FBN1: variants seen among roughly 807,000 people sequenced by gnomAD.
The protein encoded by FBN1 is fibrillin-1.
FBN1 carries 29 observed loss-of-function variants against 365.1 expected under a neutral mutation model. That is an observed-to-expected ratio of 0.08 (90% CI 0.06 to 0.11). FBN1 has a LOEUF of 0.11. Among genes scored for constraint, FBN1 ranks in the 10% least tolerant of loss-of-function variants. The probability of loss-of-function intolerance (pLI) is 1.00; values close to 1 mark genes in which losing one functional copy is unlikely to be tolerated. For missense variants in FBN1, 2,476 were observed against 3,703.2 expected, an observed-to-expected ratio of 0.67 and a Z score of 8.60; for synonymous variants, 1,210 against 1,270.5, an observed-to-expected ratio of 0.95 and a Z score of 1.01.
intron 4 of FBN1, among the ~76,000 whole-genome samples, chr15:48,607,735 C>T (rs1231901780): frequency 6.6e-6 from 1 of 152,152 alleles, no homozygotes; most frequent in Non-Finnish European, 1.5e-5. Flanking sequence ...GAAGCCCAAA[C>T]TGACAAATAT....
Position 48,468,524 on chromosome 15 carries a change from T to A in FBN1, c.4470A>T (p.Glu1490Asp). 6.2e-7 allele frequency: 1 copy of A among 1,614,102 alleles called. No homozygotes were observed. Among genetic ancestry groups the A allele is most frequent in the Non-Finnish European group, 8.5e-7 (1 of 1,180,002 alleles). ...RSGGNCTDVN[E>D]CLDPTTCISG... ...TGATGCACGTGGTTGGATCCAGGCA[T>A]TCATTCACATCTAAAACCGAACAGT... The change falls in exon 37 of 66, where the codon GAA becomes GAT. Residue 1490 changes from glutamate (E) to aspartate (D), a missense_variant. By Grantham distance (45) the Glu-to-Asp change is conservative. Coordinates refer to ENST00000316623, the MANE Select transcript of FBN1 (RefSeq NM_000138.5).
At chr15:48,522,957 G>A (rs1177660395) in intron 9 of FBN1, among the ~76,000 whole-genome samples, 1 of 152,176 alleles carries the variant, frequency 6.6e-6, no homozygotes, top group Admixed American at 6.5e-5. Context: ...CAGGATAAAC[G>A]GCTGGAGAGG....
At chr15:48,443,305 T>C (rs537836308) in intron 49 of FBN1, among the ~76,000 whole-genome samples, 2 of 152,342 alleles carry the variant, frequency 1.3e-5, no homozygotes, top group East Asian at 1.9e-4. Context: ...TGTTTTCAGT[T>C]GTTTTTAATT....
At chr15:48,603,485 T>G (rs1465516350) in intron 4 of FBN1, among the ~76,000 whole-genome samples, 1 of 152,256 alleles carries the variant, frequency 6.6e-6, no homozygotes, top group Admixed American at 6.5e-5. Flanking sequence ...GTAGTTTCAC[T>G]GTACACGCAG....
intron 1 of FBN1, 122 bp from the exon 2 acceptor site, chr15:48,645,072 G>C: frequency 4.2e-6 from 1 of 240,694 alleles, no homozygotes. Flanking sequence ...CAGTTAATTT[G>C]GGTAAGGGAA....
intron 6 of FBN1, among the ~76,000 whole-genome samples, chr15:48,591,071 T>C (rs1479384737): frequency 6.6e-6 from 1 of 152,242 alleles, no homozygotes; most frequent in Non-Finnish European, 1.5e-5. Context: ...TTTGCATTTA[T>C]GCTTCCAAAA....
chr15:48,516,909 G>A (rs1474179115), intron 10 of FBN1, among the ~76,000 whole-genome samples: 1 of 152,160 alleles, frequency 6.6e-6, no homozygotes, highest in East Asian at 1.9e-4. Context: ...GATTGAATCG[G>A]ACAGAAGTGG....
At chr15:48,486,416 C>CT (rs376660744) in intron 29 of FBN1, among the ~76,000 whole-genome samples, 15 of 152,312 alleles carry the variant, frequency 9.8e-5, no homozygotes, top group African/African-American at 3.4e-4. Context: ...CAAAGTTTCA[C>CT]TTTGACTCGG....
At chr15:48,492,985 T>C (rs910660263) in intron 23 of FBN1, among the ~76,000 whole-genome samples, 1 of 152,188 alleles carries the variant, frequency 6.6e-6, no homozygotes, top group Non-Finnish European at 1.5e-5. Flanking sequence ...AAGAAACAGC[T>C]TGAAGTTCAG....
intron 2 of FBN1, among the ~76,000 whole-genome samples, chr15:48,618,592 A>C (rs1047621347): frequency 2.6e-5 from 4 of 151,676 alleles, no homozygotes; most frequent in Non-Finnish European, 5.9e-5. Context: ...AGCTTCCATG[A>C]CCTCCCTAAG....
At chr15:48,520,362 G>A (rs1329409034) in intron 10 of FBN1, among the ~76,000 whole-genome samples, 1 of 152,136 alleles carries the variant, frequency 6.6e-6, no homozygotes, top group Non-Finnish European at 1.5e-5. Context: ...GAGCTTTTGA[G>A]TACTCCATGA....
intron 50 of FBN1, 106 bp from the exon 51 acceptor site, chr15:48,438,023 G>A: frequency 8.6e-7 from 1 of 1,160,878 alleles, no homozygotes; most frequent in Non-Finnish European, 1.3e-6. Context: ...TCTCCTCTCA[G>A]GACCACAGCA....
At chr15:48,591,751 G>A (rs766892806) in intron 6 of FBN1, among the ~76,000 whole-genome samples, 7 of 150,022 alleles carry the variant, frequency 4.7e-5, no homozygotes, top group African/African-American at 1.0e-4. Context: ...TCAGAGTTAC[G>A]AGTGGCCCCT....
At chr15:48,475,522 G>A (rs1252274239) in intron 32 of FBN1, among the ~76,000 whole-genome samples, 1 of 152,074 alleles carries the variant, frequency 6.6e-6, no homozygotes, top group Non-Finnish European at 1.5e-5. Flanking sequence ...TCTATAATGG[G>A]TTACCCTCAT....
intron 10 of FBN1, among the ~76,000 whole-genome samples, chr15:48,520,208 A>C (rs1224862754): frequency 6.6e-6 from 1 of 152,114 alleles, no homozygotes. Flanking sequence ...AAACAAAAAA[A>C]TGGACAGATA....
intron 8 of FBN1, chr15:48,529,330 T>G (rs1023563430): frequency 1.3e-5 from 2 of 152,490 alleles, no homozygotes; most frequent in Non-Finnish European, 2.9e-5. Context: ...AAATGGCAGA[T>G]CTCTTCCTTC....
chr15:48,518,288 A>T (rs908475248), intron 10 of FBN1, among the ~76,000 whole-genome samples: 1 of 152,174 alleles, frequency 6.6e-6, no homozygotes, highest in Non-Finnish European at 1.5e-5. Flanking sequence ...CCCACCACTA[A>T]GACTGTGTAG....
chr15:48,428,540 C>CTTCCTTCG, intron 56 of FBN1, 69 bp from the exon 57 acceptor site: 1 of 1,569,098 alleles, frequency 6.4e-7, no homozygotes, highest in Non-Finnish European at 8.8e-7. Context: ...GATGGAGCTC[C>CTTCCTTCG]TTCCTTCGTT....
intron 2 of FBN1, among the ~76,000 whole-genome samples, chr15:48,619,433 G>A (rs976991690): frequency 1.3e-5 from 2 of 151,886 alleles, no homozygotes; most frequent in Admixed American, 6.6e-5. Flanking sequence ...CCCAAGCCAT[G>A]GTCCATCTGT....
Sources: allele counts gnomAD v4.1 joint callset (sites outside exome capture counted in the v4.1 genomes callset), GRCh38; gene constraint gnomAD v4.1.1; transcripts MANE v1.5; gene names NCBI Gene and HGNC (gene_info 2026-07-23, HGNC 2026-07-21).